Variants in SOX6 observed in about 807,000 individuals in gnomAD.
SOX6 encodes SRY-box transcription factor 6.
SOX6 carries 11 observed loss-of-function variants against 97.8 expected under a neutral mutation model. The observed-to-expected ratio is 0.11, with a 90% CI of 0.07 to 0.19. The LOEUF (loss-of-function observed/expected upper bound fraction) is 0.19. SOX6 is among the 10% of genes least tolerant of loss of function. SOX6 has a pLI of 1.00. For missense variants in SOX6, 810 were observed against 1,039.5 expected (o/e 0.78, Z 3.04); for synonymous variants, 360 against 371.4 (o/e 0.97, Z 0.35).
chr11:16,063,990 G>T (rs957215775), intron 9 of SOX6, among the ~76,000 whole-genome samples: 1 of 151,468 alleles, frequency 6.6e-6, no homozygotes, highest in African/African-American at 2.4e-5. Context: ...CTGCTATTCT[G>T]AGCTCTCAAA....
chr11:16,656,929 T>C (rs1186027970), intron 3 of SOX6, among the ~76,000 whole-genome samples: 2 of 152,338 alleles, frequency 1.3e-5, no homozygotes, highest in East Asian at 3.9e-4. Flanking sequence ...TTAATGTGTA[T>C]GTTTGTTACA....
At chr11:16,170,808 T>C (rs1349893560) in intron 6 of SOX6, among the ~76,000 whole-genome samples, 1 of 152,042 alleles carries the variant, frequency 6.6e-6, no homozygotes, top group African/African-American at 2.4e-5. Flanking sequence ...AAAGAAAATA[T>C]GGTGCTCTTT....
intron 4 of SOX6, among the ~76,000 whole-genome samples, chr11:16,498,465 C>A (rs1328619003): frequency 1.3e-5 from 2 of 151,864 alleles, no homozygotes; most frequent in Non-Finnish European, 2.9e-5. Context: ...ACAATATTAA[C>A]CTTAAGTGTA....
Position 16,539,965 on chromosome 11 carries a change from T to G in SOX6, n.610-63577A>C, listed in dbSNP as rs187122570. On this transcript the variant is annotated intron_variant and non_coding_transcript_variant, in intron 4 of 5. Transcript: ENST00000524520. ...AAAGAGGGAATCCTCCCTAACTCATTTTATGAGGCCAGCATCATCCTGATG... is the reference window on the plus strand; with the variant it reads ...AAAGAGGGAATCCTCCCTAACTCATGTTATGAGGCCAGCATCATCCTGATG... 1.1e-4 allele frequency among the ~76,000 whole-genome samples: 17 copies of G among 152,280 alleles called. No individual in the cohort carries two copies. The East Asian group carries it at 2.5e-3, about 22-fold the overall frequency.
chr11:16,142,099 C>A (rs765935991), intron 6 of SOX6, among the ~76,000 whole-genome samples: 1 of 152,146 alleles, frequency 6.6e-6, no homozygotes, highest in Non-Finnish European at 1.5e-5. Context: ...TGGGAGGCAC[C>A]CCCAGTAGGG....
At chr11:16,329,273 A>G (rs972286601) in intron 2 of SOX6, among the ~76,000 whole-genome samples, 3 of 152,222 alleles carry the variant, frequency 2.0e-5, no homozygotes, top group Admixed American at 6.5e-5. Context: ...CCTCATTAAC[A>G]TTCTATTTAA....
intron 4 of SOX6, among the ~76,000 whole-genome samples, chr11:16,486,905 A>AT (rs1421555285): frequency 6.6e-6 from 1 of 151,910 alleles, no homozygotes; most frequent in Admixed American, 6.6e-5. Flanking sequence ...TAAAATAAAA[A>AT]TTTAAAAAAA....
chr11:16,557,574 CTT>C (rs536084665), intron 4 of SOX6, among the ~76,000 whole-genome samples: 37 of 151,944 alleles, frequency 2.4e-4, no homozygotes, highest in Non-Finnish European at 3.2e-4. Context: ...TTCCATGACT[CTT>C]TTGTTTACCA....
At chr11:16,372,175 A>G (rs1473144961) in intron 1 of SOX6, among the ~76,000 whole-genome samples, 6 of 152,076 alleles carry the variant, frequency 3.9e-5, no homozygotes, top group Non-Finnish European at 7.4e-5. Context: ...TTAATGACAT[A>G]TATTGTTAAA....
intron 5 of SOX6, among the ~76,000 whole-genome samples, chr11:16,186,574 T>C (rs951837655): frequency 2.0e-5 from 3 of 152,170 alleles, no homozygotes; most frequent in African/African-American, 4.8e-5. Flanking sequence ...TATGCCCAGT[T>C]GCTATGATGC....
At chr11:16,368,642 A>G (rs1036558617) in intron 1 of SOX6, among the ~76,000 whole-genome samples, 1 of 152,198 alleles carries the variant, frequency 6.6e-6, no homozygotes, top group Non-Finnish European at 1.5e-5. Context: ...CTAAATCTAT[A>G]AAACTCAGAT....
At chr11:16,132,386 GAAAGAAAGAAAGAAAAAAGAAAGA>G (rs1849800216) in intron 6 of SOX6, among the ~76,000 whole-genome samples, 1 of 79,482 alleles carries the variant, frequency 1.3e-5, no homozygotes, top group Non-Finnish European at 2.3e-5. Flanking sequence ...AAGAAAGAAA[GAAAGAAAGAAAGAAAAAAGAAAGA>G]AAGAAAGAAA....
chr11:16,599,522 A>G (rs1175515523), intron 4 of SOX6, among the ~76,000 whole-genome samples: 2 of 152,202 alleles, frequency 1.3e-5, no homozygotes, highest in Non-Finnish European at 2.9e-5. Flanking sequence ...TTAGATAAAT[A>G]TAAAGATTTC....
intron 4 of SOX6, among the ~76,000 whole-genome samples, chr11:16,580,327 T>C (rs1056125926): frequency 5.9e-5 from 9 of 151,946 alleles, no homozygotes; most frequent in African/African-American, 2.2e-4. Context: ...TATGTTCTAG[T>C]AATATATTCT....
chr11:16,277,749 G>A (rs1219446679), intron 3 of SOX6, among the ~76,000 whole-genome samples: 2 of 152,156 alleles, frequency 1.3e-5, no homozygotes, highest in Non-Finnish European at 2.9e-5. Flanking sequence ...CCCCTGCTGG[G>A]GGATTGGAAG....
chr11:16,243,141 G>A (rs191189062), intron 3 of SOX6, among the ~76,000 whole-genome samples: 30 of 151,902 alleles, frequency 2.0e-4, no homozygotes, highest in East Asian at 5.8e-4. Flanking sequence ...ATAAATTCTC[G>A]TCCCCTCAAG....
chr11:16,255,588 G>A (rs1040993744), intron 3 of SOX6, among the ~76,000 whole-genome samples: 4 of 151,912 alleles, frequency 2.6e-5, no homozygotes, highest in Non-Finnish European at 4.4e-5. Flanking sequence ...CAAAGTGTGC[G>A]GGATGCAGTG....
At chr11:16,334,467 G>A (rs138001874) in intron 2 of SOX6, among the ~76,000 whole-genome samples, 5 of 150,182 alleles carry the variant, frequency 3.3e-5, no homozygotes, top group East Asian at 2.0e-4. Context: ...TTGCTCTGTC[G>A]CCCAGGCTGG....
intron 12 of SOX6, among the ~76,000 whole-genome samples, chr11:16,024,996 T>C (rs1171314341): frequency 1.3e-5 from 2 of 152,126 alleles, no homozygotes; most frequent in African/African-American, 2.4e-5. Flanking sequence ...AATGATACAG[T>C]AGCATTAACT....
Sources: gnomAD v4.1 joint callset for allele counts (sites outside exome capture counted in the v4.1 genomes callset) on GRCh38, gnomAD v4.1.1 for gene constraint, MANE v1.5 for transcripts, NCBI Gene and HGNC (gene_info 2026-07-23, HGNC 2026-07-21) for gene names.